FBRSL1: variants seen among roughly 807,000 people sequenced by gnomAD.
FBRSL1 encodes the protein fibrosin like 1.
Under a neutral mutation model 89.6 loss-of-function variants are expected in FBRSL1, and 51 were observed. The ratio of observed to expected loss-of-function variants is 0.57; its 90% confidence interval spans 0.45 to 0.72. The LOEUF is 0.72. FBRSL1 is among the 30% of genes least tolerant of loss of function. FBRSL1 has a pLI of 0.00. For missense variants in FBRSL1, 1,618 were observed against 1,451.8 expected (o/e 1.11, Z -1.86); for synonymous variants, 779 against 681.1 (o/e 1.14, Z -2.24).
chr12:132,503,554 C>T (rs1014051305), intron 1 of FBRSL1, among the ~76,000 whole-genome samples: 7 of 152,206 alleles, frequency 4.6e-5, no homozygotes, highest in African/African-American at 1.2e-4. Flanking sequence ...TTCCCACCTT[C>T]GCAGCTGGAG....
chr12:132,573,517 C>A (rs541799531), intron 11 of FBRSL1, among the ~76,000 whole-genome samples: 1 of 152,158 alleles, frequency 6.6e-6, no homozygotes, highest in Non-Finnish European at 1.5e-5. Flanking sequence ...GACTGGGACT[C>A]GGGGGTACTG....
rs555310547 is a variant in FBRSL1, at chr12:132,514,457, G to A, written c.489+6107G>A. On this transcript the variant is annotated intron_variant, in intron 2 of 18. Transcript: ENST00000680143. The stretch of plus-strand genomic sequence containing the variant: ...GGCATTGACCAGGCCGAGGCCACCG[G>A]CCATCCTCCTCCGGCCAGAAGCTGC... 1.7e-3 allele frequency among the ~76,000 whole-genome samples: 262 copies of A among 152,356 alleles called. 3 individuals are homozygous for A. Among genetic ancestry groups the A allele is most frequent in the African/African-American group, 6.0e-3 (249 of 41,578 alleles).
In FBRSL1 at chr12:132,501,662, C is replaced by T. The variant is rs569762933; in HGVS notation, c.292-6491C>T. On this transcript the variant is annotated intron_variant, in intron 1 of 18. Transcript: ENST00000680143. ...TGAGAGGGGCTGCCGTGAGCAAATG[C>T]ACGGCCCATTCCTGTGCAGGGGCCA... 2.0e-5 allele frequency among the ~76,000 whole-genome samples: 3 copies of T among 152,290 alleles called. No homozygotes were observed. The East Asian group carries it at 5.8e-4, about 29-fold the overall frequency.
chr12:132,524,998 G>T (rs182069077), intron 2 of FBRSL1, among the ~76,000 whole-genome samples: 1 of 151,856 alleles, frequency 6.6e-6, no homozygotes, highest in African/African-American at 2.4e-5. Context: ...TGTGCAAAGC[G>T]CCCGGGCCAG....
intron 2 of FBRSL1, among the ~76,000 whole-genome samples, chr12:132,514,933 T>G (rs974811899): frequency 6.6e-6 from 1 of 152,226 alleles, no homozygotes; most frequent in African/African-American, 2.4e-5. Context: ...TTACTCTTTT[T>G]TTTGTAGAGT....
chr12:132,503,988 G>A (rs1162761987), intron 1 of FBRSL1, among the ~76,000 whole-genome samples: 1 of 152,142 alleles, frequency 6.6e-6, no homozygotes, highest in African/African-American at 2.4e-5. Context: ...ATGGAGAGCA[G>A]CTTCTGACCC....
At chr12:132,582,654 C>T (rs1234634105) in intron 18 of FBRSL1, among the ~76,000 whole-genome samples, 2 of 152,060 alleles carry the variant, frequency 1.3e-5, no homozygotes, top group African/African-American at 4.8e-5. Context: ...CCCTGACCCA[C>T]GGAGTTTGAG....
intron 6 of FBRSL1, 123 bp downstream of exon 6, chr12:132,567,649 G>A: frequency 9.8e-7 from 1 of 1,022,642 alleles, no homozygotes; most frequent in Admixed American, 2.2e-5. Context: ...GGGGTGCAGA[G>A]CTGGGTGGGA....
chr12:132,490,991 C>T lies in FBRSL1; in HGVS notation c.291+130C>T, dbSNP rs187843651. 62 of 681,052 alleles carry T rather than the reference C, an allele frequency of 9.1e-5. 1 individual carries two copies. The East Asian group carries it at 2.7e-3, about 29-fold the overall frequency. 42.2% of individuals were successfully genotyped at this position (681,052 alleles called of 1,614,324 possible). A position where few individuals can be genotyped will look rare whatever the true frequency, so the allele number is the denominator to read the frequency against. Reference sequence around the variant, plus strand: ...TGGGCAGCCCTGAGGGAAGCCCCGGCCACTTGGTACCCGTTCCAGGGACCC... The same window carrying T: ...TGGGCAGCCCTGAGGGAAGCCCCGGTCACTTGGTACCCGTTCCAGGGACCC... On this transcript the variant is annotated intron_variant, in intron 1 of 18. Transcript: ENST00000680143.
chr12:132,525,172 C>T (rs2136919082), intron 2 of FBRSL1, among the ~76,000 whole-genome samples: 1 of 152,368 alleles, frequency 6.6e-6, no homozygotes, highest in Admixed American at 6.5e-5. Context: ...TGGCCAGGGT[C>T]AGGCAGGTCC....
intron 2 of FBRSL1, among the ~76,000 whole-genome samples, chr12:132,514,309 C>T (rs1036931301): frequency 2.6e-5 from 4 of 152,182 alleles, no homozygotes; most frequent in Non-Finnish European, 5.9e-5. Context: ...GCCCAGAAGT[C>T]CAGGGGGAGT....
chr12:132,492,822 G>A (rs939771012), intron 1 of FBRSL1, among the ~76,000 whole-genome samples: 6 of 152,242 alleles, frequency 3.9e-5, no homozygotes, highest in South Asian at 4.1e-4. Flanking sequence ...GCCTGCCTGG[G>A]AAAGTACGGG....
intron 2 of FBRSL1, chr12:132,509,975 C>A (rs1160840630): frequency 8.1e-6 from 10 of 1,231,212 alleles, no homozygotes; most frequent in Non-Finnish European, 1.0e-5. Flanking sequence ...AGCCCAGCCG[C>A]CCCCGGCGGT....
chr12:132,540,387 G>A (rs1039881894), intron 4 of FBRSL1, among the ~76,000 whole-genome samples: 2 of 99,664 alleles, frequency 2.0e-5, no homozygotes, highest in African/African-American at 4.0e-5. Flanking sequence ...ACCTCCCCTC[G>A]GCCTTGGGCC....
At chr12:132,521,113 C>T (rs1230850574) in intron 2 of FBRSL1, among the ~76,000 whole-genome samples, 1 of 152,254 alleles carries the variant, frequency 6.6e-6, no homozygotes, top group Admixed American at 6.5e-5. Flanking sequence ...GGACCCATGA[C>T]ATCCAGTCCC....
chr12:132,526,433 G>C (rs1472207628), intron 3 of FBRSL1, among the ~76,000 whole-genome samples: 1 of 152,256 alleles, frequency 6.6e-6, no homozygotes, highest in Non-Finnish European at 1.5e-5. Flanking sequence ...GTCACATTCT[G>C]GGCACAATGC....
intron 11 of FBRSL1, among the ~76,000 whole-genome samples, chr12:132,572,855 G>A (rs2040130836): frequency 6.6e-6 from 1 of 152,226 alleles, no homozygotes; most frequent in Non-Finnish European, 1.5e-5. Context: ...GCCCTGGGAG[G>A]TGGTGGGACC....
chr12:132,533,576 C>T (rs1000242230), intron 4 of FBRSL1, among the ~76,000 whole-genome samples: 13 of 152,380 alleles, frequency 8.5e-5, no homozygotes, highest in South Asian at 2.1e-4. Flanking sequence ...GCCATGTCCT[C>T]GCCCCATGGT....
rs560135294 is a variant in FBRSL1 at position 132,504,318 on chromosome 12, G to A, written c.292-3835G>A. On this transcript the variant is annotated intron_variant, in intron 1 of 18. Coordinates refer to ENST00000680143, the MANE Select transcript of FBRSL1 (RefSeq NM_001367871.1). Reference sequence around the variant, plus strand: ...TGTCTGGTTCACTGTAGCGTGATTAGGAATGTTATTGGTGCTGTATGGTAA... The same window carrying A: ...TGTCTGGTTCACTGTAGCGTGATTAAGAATGTTATTGGTGCTGTATGGTAA... Among the ~76,000 whole-genome samples the A allele has an allele frequency of 2.6e-5, 4 of 152,350 alleles. No homozygotes were observed. The South Asian group carries it at 8.3e-4, about 32-fold the overall frequency.
Sources: gnomAD v4.1 joint callset for allele counts (sites outside exome capture counted in the v4.1 genomes callset) on GRCh38, gnomAD v4.1.1 for gene constraint, MANE v1.5 for transcripts, NCBI Gene and HGNC (gene_info 2026-07-23, HGNC 2026-07-21) for gene names.